The following NBAS variants were observed in gnomAD, a reference collection of about 807,000 sequenced individuals.
NBAS encodes the protein NBAS subunit of NRZ tethering complex.
NBAS carries 219 observed loss-of-function variants against 302.5 expected under a neutral mutation model. The observed-to-expected ratio is 0.72, with a 90% CI of 0.65 to 0.81. The LOEUF (loss-of-function observed/expected upper bound fraction) is 0.81, where lower values mean the gene tolerates loss of function less well. Ranked by LOEUF, NBAS falls within the 30% of genes least tolerant of loss-of-function variation. NBAS has a pLI of 0.00. For missense variants in NBAS, 2,932 were observed against 2,841.6 expected (o/e 1.03, Z -0.72); for synonymous variants, 1,118 against 1,021.6 (o/e 1.09, Z -1.80).
chr2:15,266,915 T>C (rs1169197406), intron 44 of NBAS, among the ~76,000 whole-genome samples: 1 of 152,224 alleles, frequency 6.6e-6, no homozygotes, highest in Non-Finnish European at 1.5e-5. Context: ...TTGAAAGCCA[T>C]ATCAATCTTT....
chr2:15,427,374 T>A (rs1211335404), intron 22 of NBAS, among the ~76,000 whole-genome samples: 1 of 151,348 alleles, frequency 6.6e-6, no homozygotes. Context: ...AGAAAAAAAA[T>A]TAAAACTGAT....
intron 30 of NBAS, among the ~76,000 whole-genome samples, chr2:15,377,710 A>G (rs1349337850): frequency 6.6e-6 from 1 of 152,246 alleles, no homozygotes; most frequent in African/African-American, 2.4e-5. Context: ...AAAGAACTAA[A>G]CAAATCTAGC....
intron 1 of NBAS, among the ~76,000 whole-genome samples, chr2:15,560,319 G>A (rs1664851176): frequency 2.0e-5 from 3 of 151,874 alleles, no homozygotes; most frequent in Admixed American, 1.3e-4. Context: ...AGACCCGGGA[G>A]GCCTTCACTA....
chr2:15,504,769 A>G (rs1661760782), intron 10 of NBAS, among the ~76,000 whole-genome samples: 2 of 152,218 alleles, frequency 1.3e-5, no homozygotes, highest in Non-Finnish European at 2.9e-5. Context: ...TGATGGGAAC[A>G]TAAAACCGTA....
At chr2:14,799,019 T>G in the NBAS span, among the ~76,000 whole-genome samples, 3 of 152,056 alleles carry the variant, frequency 2.0e-5, 1 homozygote, top group Non-Finnish European at 4.4e-5. Flanking sequence ...ACTACTTTGT[T>G]TTCTTATTTT....
At position 15,295,931 on chromosome 2, in the gene NBAS, CA is replaced by C. The variant is rs200407387; in HGVS notation, c.4798-3166del. The stretch of plus-strand genomic sequence containing the variant: ...CTCCTCACAGTTTGTTATGAGGTAC[CA>C]AAAAAAAAAAAAGGTATTTTAAAGC... On this transcript the variant is annotated intron_variant, in intron 40 of 51. Transcript: ENST00000281513. 6.3e-3 allele frequency among the ~76,000 whole-genome samples: 832 copies of C among 132,112 alleles called. 1 individual carries two copies. The highest frequency in any genetic ancestry group is 0.013 in the African/African-American group (473 of 35,958). The allele number at this position is 132,112 out of a possible 152,430, so 86.7% of individuals were successfully genotyped here.
intron 40 of NBAS, among the ~76,000 whole-genome samples, chr2:15,293,831 GA>G (rs1260600521): frequency 6.6e-6 from 1 of 152,130 alleles, no homozygotes; most frequent in African/African-American, 2.4e-5. Flanking sequence ...AACAATCTGG[GA>G]GTGCTGATAA....
chr2:15,239,829 G>A (rs1453968809), intron 44 of NBAS, among the ~76,000 whole-genome samples: 1 of 151,946 alleles, frequency 6.6e-6, no homozygotes, highest in African/African-American at 2.4e-5. Context: ...TGTATACTGT[G>A]TTAGATATAT....
At chr2:15,320,331 CCAG>C (rs1671738781) in intron 38 of NBAS, among the ~76,000 whole-genome samples, 1 of 152,128 alleles carries the variant, frequency 6.6e-6, no homozygotes, top group Non-Finnish European at 1.5e-5. Context: ...CCTTTCAAAA[CCAG>C]CAGAAGACAA....
chr2:15,131,283 T>G, the NBAS span, among the ~76,000 whole-genome samples: 1 of 152,164 alleles, frequency 6.6e-6, no homozygotes, highest in Non-Finnish European at 1.5e-5. Flanking sequence ...TCTAACTTCT[T>G]CCCTTTGAGT....
At chr2:15,502,410 C>T (rs990842463) in intron 11 of NBAS, among the ~76,000 whole-genome samples, 3 of 152,160 alleles carry the variant, frequency 2.0e-5, no homozygotes, top group East Asian at 1.9e-4. Flanking sequence ...TAGGTGATTT[C>T]GTCGTTGTGA....
chr2:15,372,173 C>T (rs1674518807), intron 31 of NBAS, among the ~76,000 whole-genome samples: 1 of 152,120 alleles, frequency 6.6e-6, no homozygotes, highest in African/African-American at 2.4e-5. Context: ...ATAGAAATAA[C>T]ATGTGGACCA....
At chr2:14,984,986 TG>T in the NBAS span, among the ~76,000 whole-genome samples, 1 of 152,140 alleles carries the variant, frequency 6.6e-6, no homozygotes, top group African/African-American at 2.4e-5. Context: ...TGTCATCTTT[TG>T]GAACTCAGGA....
intron 51 of NBAS, among the ~76,000 whole-genome samples, chr2:15,167,788 A>G (rs1664101670): frequency 6.6e-6 from 1 of 152,228 alleles, no homozygotes; most frequent in Admixed American, 6.5e-5. Context: ...TTTCATTTGT[A>G]CTTTCACTGT....
intron 7 of NBAS, chr2:15,538,213 A>G (rs923558437): frequency 8.6e-6 from 2 of 231,998 alleles, no homozygotes; most frequent in Admixed American, 9.5e-5. Flanking sequence ...GTTATTGTAT[A>G]TGTGACCAAA....
In NBAS at chr2:15,506,897, A is replaced by G. The variant is rs369319988; in HGVS notation, c.886-2684T>C. On this transcript the variant is annotated intron_variant, in intron 10 of 51. Transcript: ENST00000281513. ...ACAAACTCGTAAAATGCTGGAAGAC[A>G]TTGATAACATCAATAAGAATAGTTT... Among the ~76,000 whole-genome samples, 10 of 152,344 alleles carry G rather than the reference A, an allele frequency of 6.6e-5. No individual in the cohort carries two copies. The South Asian group carries it at 1.4e-3, about 22-fold the overall frequency.
chr2:14,827,400 T>C, the NBAS span, among the ~76,000 whole-genome samples: 1 of 152,240 alleles, frequency 6.6e-6, no homozygotes, highest in East Asian at 1.9e-4. Flanking sequence ...TTCACATTTG[T>C]GTAGACATGA....
the NBAS span, among the ~76,000 whole-genome samples, chr2:14,952,429 C>A: frequency 6.6e-6 from 1 of 152,210 alleles, no homozygotes; most frequent in Non-Finnish European, 1.5e-5. Context: ...TTGTTTAACA[C>A]CCACTCAGTT....
chr2:14,912,702 TTAAAAA>T, the NBAS span, among the ~76,000 whole-genome samples: 5 of 101,278 alleles, frequency 4.9e-5, no homozygotes, highest in African/African-American at 1.9e-4. Flanking sequence ...GCATTCATTT[TTAAAAA>T]AAAAAAAAAA....
Sources: gnomAD v4.1 joint callset for allele counts (sites outside exome capture counted in the v4.1 genomes callset) on GRCh38, gnomAD v4.1.1 for gene constraint, MANE v1.5 for transcripts, NCBI Gene and HGNC (gene_info 2026-07-23, HGNC 2026-07-21) for gene names.